Variants in WFDC10B observed in about 807,000 individuals in gnomAD.
WFDC10B encodes the protein WAP four-disulfide core domain 10B.
Under a neutral mutation model 2.7 loss-of-function variants are expected in WFDC10B, and 1 was observed. The observed-to-expected ratio is 0.38, with a 90% CI of 0.13 to 1.79. The LOEUF (loss-of-function observed/expected upper bound fraction) is 1.79, where lower values mean the gene tolerates loss of function less well. Among genes scored for constraint, WFDC10B ranks in the 40% most tolerant of loss-of-function variants. WFDC10B has a pLI of 0.33. For synonymous variants in WFDC10B, 26 were observed against 32.2 expected, an observed-to-expected ratio of 0.81 and a Z score of 0.65; for missense variants, 71 against 87.8, an observed-to-expected ratio of 0.81 and a Z score of 0.76.
intron 2 of WFDC10B, among the ~76,000 whole-genome samples, chr20:45,697,208 G>A (rs1429577071): frequency 6.6e-6 from 1 of 152,016 alleles, no homozygotes; most frequent in South Asian, 2.1e-4. Context: ...CCAGCAATGA[G>A]CAATCCAAAA....
At chr20:45,691,789 C>T (rs909209566) in intron 2 of WFDC10B, among the ~76,000 whole-genome samples, 1 of 152,150 alleles carries the variant, frequency 6.6e-6, no homozygotes, top group Non-Finnish European at 1.5e-5. Context: ...GACTCTTTAT[C>T]CAATTTGCCA....
rs1984331054 is a variant in WFDC10B, at chr20:45,704,941, A to G, written c.-153T>C. The G allele has an allele frequency of 6.2e-7, 1 of 1,613,842 alleles. No homozygotes were observed. Among genetic ancestry groups the G allele is most frequent in the African/African-American group, 1.3e-5 (1 of 74,870 alleles). On this transcript the variant is annotated 5_prime_UTR_variant, in exon 1 of 4. Coordinates refer to ENST00000330523, the MANE Select transcript of WFDC10B (RefSeq NM_172006.2). ...ACCTGCAGGTGTAACCAAAATCCCA[A>G]AGCAAAATTTGTCCTACACTTTTGC...
At chr20:45,694,800 G>T (rs548138689) in intron 2 of WFDC10B, among the ~76,000 whole-genome samples, 58 of 152,126 alleles carry the variant, frequency 3.8e-4, no homozygotes, top group Non-Finnish European at 7.5e-4. Flanking sequence ...TCACCAGAAA[G>T]GTCAAGTGAT....
chr20:45,701,764 CAAA>C (rs11480724), intron 2 of WFDC10B, among the ~76,000 whole-genome samples: 1 of 89,170 alleles, frequency 1.1e-5, no homozygotes, highest in African/African-American at 4.6e-5. Context: ...TCCATCATCT[CAAA>C]AAAAAAAAAA....
intron 1 of WFDC10B, 122 bp from the exon 2 acceptor site, chr20:45,704,683 T>G (rs1342532504): frequency 2.5e-5 from 37 of 1,474,500 alleles, no homozygotes; most frequent in Non-Finnish European, 3.1e-5. Context: ...GTGCTGGATC[T>G]CTCCTTTTTT....
intron 2 of WFDC10B, among the ~76,000 whole-genome samples, chr20:45,690,487 G>C (rs1310407860): frequency 2.0e-5 from 3 of 151,404 alleles, no homozygotes; most frequent in Admixed American, 6.6e-5. Context: ...TTTTTGGTTG[G>C]TAAGCTATTG....
intron 2 of WFDC10B, among the ~76,000 whole-genome samples, chr20:45,692,828 T>G (rs950332256): frequency 6.6e-6 from 1 of 152,234 alleles, no homozygotes; most frequent in African/African-American, 2.4e-5. Context: ...TCTCTCAACT[T>G]GTCAAAGTCA....
chr20:45,698,092 C>A (rs761297067), intron 2 of WFDC10B, among the ~76,000 whole-genome samples: 21 of 152,154 alleles, frequency 1.4e-4, no homozygotes, highest in Non-Finnish European at 2.6e-4. Context: ...CGAGTTCATA[C>A]AAAACTGCCT....
rs778093417 is a variant in WFDC10B at position 45,702,242 on chromosome 20, A to C, written c.-65+2255T>G. ...TGCTGGATCTGGGCCCAAGGAGGGA[A>C]GTAACATGTGTGGATAGGAGAGGAT... On this transcript the variant is annotated intron_variant, in intron 2 of 3. Coordinates refer to ENST00000330523, the MANE Select transcript of WFDC10B (RefSeq NM_172006.2). 6 of 1,595,190 alleles carry C rather than the reference A, an allele frequency of 3.8e-6. No homozygotes were observed. The Middle Eastern group carries it at 6.6e-4, about 176-fold the overall frequency.
intron 2 of WFDC10B, 111 bp downstream of exon 2, chr20:45,704,386 T>A (rs1984300466): frequency 2.6e-6 from 4 of 1,564,572 alleles, no homozygotes; most frequent in Non-Finnish European, 3.5e-6. Flanking sequence ...CTTTCTGAGT[T>A]CTGAACATTA....
chr20:45,687,860 T>TTTTTTATTATTA (rs1555805538), intron 2 of WFDC10B, among the ~76,000 whole-genome samples: 73 of 145,350 alleles, frequency 5.0e-4, no homozygotes, highest in African/African-American at 1.4e-3. Flanking sequence ...TGTCTTTTCT[T>TTTTTTATTATTA]TTATTATTAT....
intron 2 of WFDC10B, among the ~76,000 whole-genome samples, chr20:45,696,069 G>A (rs55744234): frequency 0.01 from 1,534 of 151,842 alleles, 26 homozygotes; most frequent in African/African-American, 0.035. Context: ...GGCAGATCAC[G>A]AGGTCAGGAG....
chr20:45,698,960 T>C (rs1379702760), intron 2 of WFDC10B, among the ~76,000 whole-genome samples: 1 of 57,816 alleles, frequency 1.7e-5, no homozygotes, highest in Non-Finnish European at 2.8e-5. Flanking sequence ...AGAGTGAGAA[T>C]CCATCTAAAA....
At chr20:45,697,906 G>A (rs1177183749) in intron 2 of WFDC10B, among the ~76,000 whole-genome samples, 1 of 151,652 alleles carries the variant, frequency 6.6e-6, no homozygotes, top group Non-Finnish European at 1.5e-5. Context: ...ACCACTCCTG[G>A]CTAATTTTTA....
chr20:45,688,289 G>C (rs921652685), intron 2 of WFDC10B, among the ~76,000 whole-genome samples: 323 of 151,948 alleles, frequency 2.1e-3, no homozygotes, highest in Admixed American at 3.3e-3. Context: ...GGACATTTGG[G>C]TTGGTTCCAA....
chr20:45,702,590 A>T (rs754613884), intron 2 of WFDC10B, among the ~76,000 whole-genome samples: 6 of 152,208 alleles, frequency 3.9e-5, no homozygotes, highest in African/African-American at 1.4e-4. Flanking sequence ...TTTTCAAGCA[A>T]TAAAACAGAG....
At chr20:45,696,811 G>T (rs1006589994) in intron 2 of WFDC10B, among the ~76,000 whole-genome samples, 3 of 152,100 alleles carry the variant, frequency 2.0e-5, no homozygotes, top group African/African-American at 7.2e-5. Context: ...AGGGCTAGAT[G>T]ACTTCACTGA....
chr20:45,684,738 G>A lies in WFDC10B; in HGVS notation c.*92C>T. On this transcript the variant is annotated 3_prime_UTR_variant, in exon 4 of 4. Transcript: ENST00000330523. The stretch of plus-strand genomic sequence containing the variant: ...GCATTCCTGTTGATGTTCTTGTGCT[G>A]ATGATTTGATGTCCTTGTGCTTCGG... The A allele has an allele frequency of 6.5e-7, 1 of 1,530,454 alleles. No individual in the cohort carries two copies. Among genetic ancestry groups the A allele is most frequent in the Non-Finnish European group, 8.9e-7 (1 of 1,126,454 alleles). 94.8% of individuals were successfully genotyped at this position (1,530,454 alleles called of 1,614,324 possible).
At position 45,693,934 on chromosome 20, in the gene WFDC10B, A is replaced by G. The variant is rs535491590; in HGVS notation, c.-64-7878T>C. 1.2e-3 allele frequency among the ~76,000 whole-genome samples: 188 copies of G among 152,008 alleles called. 2 individuals carry two copies. The highest frequency in any genetic ancestry group is 3.5e-3 in the African/African-American group (146 of 41,424). On this transcript the variant is annotated intron_variant, in intron 2 of 3. Coordinates refer to ENST00000330523, the MANE Select transcript of WFDC10B (RefSeq NM_172006.2). ...CGTCCTCTTCATCGCTCACGCTAGG[A>G]GCTGTAGAACGGAGCTGTTCCTATT...
Sources: gnomAD v4.1 joint callset for allele counts (sites outside exome capture counted in the v4.1 genomes callset) on GRCh38, gnomAD v4.1.1 for gene constraint, MANE v1.5 for transcripts, NCBI Gene and HGNC (gene_info 2026-07-23, HGNC 2026-07-21) for gene names.